The following PCDH15 variants were observed in gnomAD, a reference collection of about 807,000 sequenced individuals.
PCDH15 encodes protocadherin-15.
In PCDH15, 129 loss-of-function variants were observed where a neutral mutation model predicts 178.5. That is an observed-to-expected ratio of 0.72 (90% CI 0.63 to 0.84). The LOEUF (loss-of-function observed/expected upper bound fraction) is 0.84, where lower values mean the gene tolerates loss of function less well. Among genes scored for constraint, PCDH15 ranks in the 40% least tolerant of loss-of-function variants. The probability of loss-of-function intolerance (pLI) is 0.00; values close to 1 mark genes in which losing one functional copy is unlikely to be tolerated. For synonymous variants in PCDH15, 800 were observed against 732.0 expected, an observed-to-expected ratio of 1.09 and a Z score of -1.50; for missense variants, 2,230 against 2,099.9, an observed-to-expected ratio of 1.06 and a Z score of -1.21.
At chr10:53,895,146 G>A (rs573065558) in intron 26 of PCDH15, among the ~76,000 whole-genome samples, 4 of 151,950 alleles carry the variant, frequency 2.6e-5, no homozygotes, top group Admixed American at 1.3e-4. Flanking sequence ...TAGAGACCAG[G>A]AGCCCCCAGG....
At chr10:55,334,242 A>ATATATATATGTGTGTG (rs1291195941) in intron 2 of PCDH15, among the ~76,000 whole-genome samples, 1 of 72,158 alleles carries the variant, frequency 1.4e-5, no homozygotes, top group Non-Finnish European at 2.2e-5. Context: ...ATATATATAT[A>ATATATATATGTGTGTG]TGTGTGTGTG....
At chr10:55,007,749 AG>A (rs1839966106) in intron 2 of PCDH15, among the ~76,000 whole-genome samples, 1 of 152,172 alleles carries the variant, frequency 6.6e-6, no homozygotes, top group Non-Finnish European at 1.5e-5. Context: ...CCTACAAGAA[AG>A]TGATCTGACA....
chr10:55,006,935 G>C (rs1839942393), intron 2 of PCDH15, among the ~76,000 whole-genome samples: 1 of 152,098 alleles, frequency 6.6e-6, no homozygotes, highest in Non-Finnish European at 1.5e-5. Flanking sequence ...TTTGAATCAT[G>C]GGGGAAGATC....
At chr10:54,824,077 ATCT>A (rs1248247046) in intron 3 of PCDH15, among the ~76,000 whole-genome samples, 1 of 152,188 alleles carries the variant, frequency 6.6e-6, no homozygotes, top group Non-Finnish European at 1.5e-5. Context: ...CAAACCTTAC[ATCT>A]TCTGTCTGAA....
intron 1 of PCDH15, among the ~76,000 whole-genome samples, chr10:54,690,972 C>T (rs1033397065): frequency 1.3e-5 from 2 of 151,892 alleles, no homozygotes; most frequent in African/African-American, 4.8e-5. Flanking sequence ...TTATGACTTA[C>T]AAATGATCCC....
At chr10:54,116,410 G>A (rs1458715723) in intron 15 of PCDH15, among the ~76,000 whole-genome samples, 3 of 152,146 alleles carry the variant, frequency 2.0e-5, no homozygotes, top group African/African-American at 4.8e-5. Flanking sequence ...TGGATAAATT[G>A]CTAGAAGGTT....
chr10:55,440,871 A>G (rs1302910047), intron 2 of PCDH15, among the ~76,000 whole-genome samples: 1 of 152,164 alleles, frequency 6.6e-6, no homozygotes, highest in African/African-American at 2.4e-5. Context: ...AAGGTTCCAG[A>G]CAAGAGAGAA....
At chr10:55,525,785 TC>T (rs2132170360) in intron 2 of PCDH15, among the ~76,000 whole-genome samples, 1 of 152,012 alleles carries the variant, frequency 6.6e-6, no homozygotes, top group East Asian at 1.9e-4. Context: ...TCAAAGTAAC[TC>T]CTAAATCTGT....
chr10:54,974,528 A>G (rs943620028), intron 2 of PCDH15, among the ~76,000 whole-genome samples: 2 of 151,768 alleles, frequency 1.3e-5, no homozygotes, highest in African/African-American at 4.8e-5. Flanking sequence ...TAATATACAT[A>G]TATACTTGGA....
intron 1 of PCDH15, among the ~76,000 whole-genome samples, chr10:55,225,103 A>C (rs953817188): frequency 3.3e-5 from 5 of 152,036 alleles, no homozygotes; most frequent in African/African-American, 1.2e-4. Flanking sequence ...GCTCATGAGA[A>C]GAAACTTTTT....
rs1268113134 is a variant in PCDH15 at position 53,988,109 on chromosome 10, C to A, written c.2868+7540G>T. Among the ~76,000 whole-genome samples, 3 of 152,160 alleles carry A rather than the reference C, an allele frequency of 2.0e-5. No individual in the cohort carries two copies. In the South Asian group the frequency reaches 6.2e-4, roughly 32 times the overall value. ...TCTTTAAATGCAACCACATCATCCC[C>A]GCGTCAGATCAAAGCAATCAAAGCA... On this transcript the variant is annotated intron_variant, in intron 21 of 37. Coordinates refer to ENST00000644397, the MANE Select transcript of PCDH15 (RefSeq NM_001384140.1).
chr10:54,846,095 G>A (rs1298410537), intron 3 of PCDH15, among the ~76,000 whole-genome samples: 1 of 151,934 alleles, frequency 6.6e-6, no homozygotes, highest in Admixed American at 6.6e-5. Context: ...ATCTAGTAAT[G>A]TCTGAAAATG....
chr10:54,549,797 T>C (rs1320763894), intron 2 of PCDH15, among the ~76,000 whole-genome samples: 1 of 152,072 alleles, frequency 6.6e-6, no homozygotes, highest in Non-Finnish European at 1.5e-5. Flanking sequence ...ACAGTGATGT[T>C]TGTTAAATTA....
chr10:55,399,801 T>C (rs376412871), intron 2 of PCDH15, among the ~76,000 whole-genome samples: 3 of 152,158 alleles, frequency 2.0e-5, no homozygotes, highest in African/African-American at 7.2e-5. Context: ...TTAGTTCCAG[T>C]CTATTTTTCT....
intron 2 of PCDH15, among the ~76,000 whole-genome samples, chr10:55,582,630 T>TATATATATATA (rs1564465801): frequency 1.2e-4 from 12 of 100,198 alleles, no homozygotes; most frequent in Non-Finnish European, 2.2e-4. Context: ...ATATATATAT[T>TATATATATATA]TTTTTTTTTT....
intron 2 of PCDH15, among the ~76,000 whole-genome samples, chr10:55,538,239 TTAGTAA>T (rs569865417): frequency 1.0e-3 from 156 of 152,328 alleles, no homozygotes; most frequent in African/African-American, 3.4e-3. Context: ...ATTTGAATAC[TTAGTAA>T]TAGAACTATT....
intron 2 of PCDH15, among the ~76,000 whole-genome samples, chr10:54,957,829 A>G (rs1358666450): frequency 6.6e-6 from 1 of 151,786 alleles, no homozygotes; most frequent in Non-Finnish European, 1.5e-5. Flanking sequence ...CCACTTTAGC[A>G]TAAGAATTAT....
chr10:55,505,871 A>G (rs1840748929), intron 2 of PCDH15, among the ~76,000 whole-genome samples: 1 of 151,476 alleles, frequency 6.6e-6, no homozygotes, highest in Admixed American at 6.6e-5. Flanking sequence ...AGGAAGTGAC[A>G]TTTTAGCTGA....
intron 3 of PCDH15, among the ~76,000 whole-genome samples, chr10:54,515,740 A>G (rs1317162064): frequency 6.6e-6 from 1 of 152,236 alleles, no homozygotes; most frequent in African/African-American, 2.4e-5. Context: ...CAGTAGGGGC[A>G]GACTGACACC....
Sources: gnomAD v4.1 joint callset for allele counts (sites outside exome capture counted in the v4.1 genomes callset) on GRCh38, gnomAD v4.1.1 for gene constraint, MANE v1.5 for transcripts, NCBI Gene and HGNC (gene_info 2026-07-23, HGNC 2026-07-21) for gene names.